Variants in HIBCH observed in about 807,000 individuals in gnomAD.
HIBCH encodes 3-hydroxyisobutyryl-CoA hydrolase, also known as 3-hydroxyisobutyryl-CoA hydrolase, mitochondrial.
A neutral mutation model predicts 58.2 loss-of-function variants in HIBCH; 50 were observed. The ratio of observed to expected loss-of-function variants is 0.86; its 90% CI spans 0.68 to 1.09. The LOEUF (loss-of-function observed/expected upper bound fraction) is 1.09, where lower values mean the gene tolerates loss of function less well. Among genes scored for constraint, HIBCH ranks in the 50% least tolerant of loss-of-function variants. HIBCH has a pLI of 0.00. For synonymous variants in HIBCH, 151 were observed against 146.9 expected, an observed-to-expected ratio of 1.03 and a Z score of -0.20; for missense variants, 450 against 449.7, an observed-to-expected ratio of 1.00 and a Z score of -0.01.
chr2:190,238,754 C>T (rs138177004), intron 11 of HIBCH, among the ~76,000 whole-genome samples: 500 of 152,330 alleles, frequency 3.3e-3, no homozygotes, highest in Admixed American at 5.5e-3. Context: ...TGAGCCACCA[C>T]GCCCGGCCAC....
Position 190,204,903 on chromosome 2 carries a change from G to A in HIBCH, c.*214C>T. ...AGCCACAGATAATATATAAACAGAT[G>A]AGTATAGCTAGTTCCAATAAAGCTT... On this transcript the variant is annotated 3_prime_UTR_variant, in exon 14 of 14. Transcript: ENST00000359678. 1 of 542,048 alleles carries A rather than the reference G, an allele frequency of 1.8e-6. No homozygotes were observed. Among genetic ancestry groups the A allele is most frequent in the Admixed American group, 3.1e-5 (1 of 32,410 alleles). The allele number at this position is 542,048 out of a possible 1,614,324, so 33.6% of individuals were successfully genotyped here. A position where few individuals can be genotyped will look rare whatever the true frequency, so the allele number is the denominator to read the frequency against.
chr2:190,223,444 T>C (rs1251023556), intron 11 of HIBCH, among the ~76,000 whole-genome samples: 2 of 152,132 alleles, frequency 1.3e-5, no homozygotes, highest in African/African-American at 4.8e-5. Flanking sequence ...CCAAGAACAA[T>C]GCCTGATAAG....
At chr2:190,251,549 C>T (rs780033460) in intron 8 of HIBCH, 6 of 446,244 alleles carry the variant, frequency 1.3e-5, no homozygotes, top group Middle Eastern at 3.3e-4. Context: ...GTAATAGTGT[C>T]ATCTCCATTC....
chr2:190,266,397 T>A (rs371839877), intron 6 of HIBCH, among the ~76,000 whole-genome samples: 2 of 152,324 alleles, frequency 1.3e-5, no homozygotes, highest in East Asian at 3.9e-4. Flanking sequence ...ATTTCCACTT[T>A]TAGAGCTTTC....
chr2:190,268,737 A>G (rs973051624), intron 6 of HIBCH, among the ~76,000 whole-genome samples: 4 of 152,232 alleles, frequency 2.6e-5, no homozygotes, highest in Non-Finnish European at 4.4e-5. Context: ...TCTAGACAAA[A>G]AGCAATTTTT....
intron 2 of HIBCH, among the ~76,000 whole-genome samples, chr2:190,308,691 A>G (rs111588328): frequency 2.6e-5 from 4 of 152,324 alleles, no homozygotes; most frequent in Middle Eastern, 3.4e-3. Flanking sequence ...CTCCGTAACG[A>G]TAAGAAATAA....
chr2:190,209,858 C>G lies in HIBCH; in HGVS notation c.1012-945G>C, dbSNP rs1690476732. Among the ~76,000 whole-genome samples, 1 of 152,162 alleles carries G rather than the reference C, an allele frequency of 6.6e-6. No individual in the cohort carries two copies. The highest frequency in any genetic ancestry group is 1.5e-5 in the Non-Finnish European group (1 of 68,044). On this transcript the variant is annotated intron_variant, in intron 12 of 13. Coordinates refer to ENST00000359678, the MANE Select transcript of HIBCH (RefSeq NM_014362.4). The surrounding 1 kb of genome is among the most constrained non-coding windows in gnomAD (Gnocchi z 5.6). ...TAGCTACATATTAACTATGTGACCT[C>G]GGACTAGTAATTTCTCCAACCCTAG...
intron 5 of HIBCH, among the ~76,000 whole-genome samples, chr2:190,289,261 A>C (rs933621247): frequency 2.6e-5 from 4 of 152,126 alleles, no homozygotes; most frequent in African/African-American, 9.7e-5. Context: ...ATATATCCCC[A>C]TGTGTTTAAT....
At chr2:190,249,782 G>T (rs1686710960) in intron 8 of HIBCH, 56 bp from the exon 9 acceptor site, 2 of 1,107,048 alleles carry the variant, frequency 1.8e-6, no homozygotes, top group African/African-American at 1.6e-5. Context: ...AACATAGAAA[G>T]CTTTATAAAA....
chr2:190,276,411 T>C (rs1025067654), intron 6 of HIBCH, among the ~76,000 whole-genome samples: 2 of 152,206 alleles, frequency 1.3e-5, no homozygotes, highest in Non-Finnish European at 2.9e-5. Context: ...TTGATATAGA[T>C]TGGATATCTG....
chr2:190,266,010 A>G (rs1199129750), intron 6 of HIBCH, among the ~76,000 whole-genome samples: 2 of 149,948 alleles, frequency 1.3e-5, no homozygotes, highest in Non-Finnish European at 3.0e-5. Flanking sequence ...TTGTATTTTG[A>G]TCATTTCATT....
chr2:190,285,935 G>A (rs1156292737), intron 6 of HIBCH, among the ~76,000 whole-genome samples: 4 of 151,980 alleles, frequency 2.6e-5, no homozygotes, highest in South Asian at 2.1e-4. Flanking sequence ...ATAACCTCCC[G>A]GGTTCAAGCA....
chr2:190,278,632 G>C (rs368800106), intron 6 of HIBCH, among the ~76,000 whole-genome samples: 2 of 136,470 alleles, frequency 1.5e-5, no homozygotes, highest in African/African-American at 5.5e-5. Context: ...TAGAGCAGCA[G>C]TTTTTAACTT....
Position 190,205,241 on chromosome 2 carries a change from A to G in HIBCH, c.1046-9T>C, listed in dbSNP as rs779699265. 2.2e-6 allele frequency: 3 copies of G among 1,383,880 alleles called. No homozygotes were observed. The highest frequency in any genetic ancestry group is 3.1e-6 in the Non-Finnish European group (3 of 971,228). 85.7% of individuals were successfully genotyped at this position (1,383,880 alleles called of 1,614,324 possible). On this transcript the variant is annotated splice_polypyrimidine_tract_variant and intron_variant, in intron 13 of 13. Transcript: ENST00000359678. ...GTCTTTATCAATTAAAACTGTCAAG[A>G]GAAGATACAAATGTTAATACCATTA...
intron 11 of HIBCH, among the ~76,000 whole-genome samples, chr2:190,228,691 T>C (rs1485589994): frequency 1.3e-5 from 2 of 152,202 alleles, no homozygotes; most frequent in African/African-American, 4.8e-5. Context: ...CTACTTCTTA[T>C]GGAACACTGG....
At position 190,252,895 on chromosome 2, in the gene HIBCH, A is replaced by G. The variant is rs139474808; in HGVS notation, c.518-588T>C. 7.6e-4 allele frequency among the ~76,000 whole-genome samples: 115 copies of G among 152,316 alleles called. 1 individual carries two copies. The highest frequency in any genetic ancestry group is 5.4e-3 in the Admixed American group (82 of 15,298). The stretch of plus-strand genomic sequence containing the variant: ...AAATTATCTACGGGTAACAACTGAA[A>G]ATAGCATATAAGGCTAGGCGCGGTG... On this transcript the variant is annotated intron_variant, in intron 7 of 13. Transcript: ENST00000359678.
rs541347034 is a variant in HIBCH at position 190,243,071 on chromosome 2, G to A, written c.891+1816C>T. Reference sequence around the variant, plus strand: ...TGAGTGTCAACTTGACTGGACTGAAGGATACAAAGTATTGATCCTGGATGT... The same window carrying A: ...TGAGTGTCAACTTGACTGGACTGAAAGATACAAAGTATTGATCCTGGATGT... On this transcript the variant is annotated intron_variant, in intron 11 of 13. Coordinates refer to ENST00000359678, the MANE Select transcript of HIBCH (RefSeq NM_014362.4). This position sits in a 1 kb window ranked among gnomAD's most constrained non-coding sequence, Gnocchi z 4.1. Among the ~76,000 whole-genome samples the A allele has an allele frequency of 9.9e-5, 15 of 152,274 alleles. No individual in the cohort carries two copies. The highest frequency in any genetic ancestry group is 3.6e-4 in the African/African-American group (15 of 41,558).
At chr2:190,278,473 G>C (rs1687618263) in intron 6 of HIBCH, among the ~76,000 whole-genome samples, 1 of 152,182 alleles carries the variant, frequency 6.6e-6, no homozygotes, top group Non-Finnish European at 1.5e-5. Flanking sequence ...CAAAGTACTA[G>C]GATTACAGGC....
In HIBCH at chr2:190,287,654, C is replaced by T. The variant is rs1687864943; in HGVS notation, c.386-16G>A. The T allele has an allele frequency of 1.3e-6, 2 of 1,597,464 alleles. No individual in the cohort carries two copies. Among genetic ancestry groups the T allele is most frequent in the Non-Finnish European group, 1.7e-6 (2 of 1,165,476 alleles). Reference sequence around the variant, plus strand: ...TGGCAAGAACCTGAAAGAAACAGAGCTGTAATTTTAGTTACAGTGTTTAAA... The same window carrying T: ...TGGCAAGAACCTGAAAGAAACAGAGTTGTAATTTTAGTTACAGTGTTTAAA... On this transcript the variant is annotated splice_polypyrimidine_tract_variant and intron_variant, in intron 5 of 13. Coordinates refer to ENST00000359678, the MANE Select transcript of HIBCH (RefSeq NM_014362.4).
Sources: gnomAD v4.1 joint callset for allele counts (sites outside exome capture counted in the v4.1 genomes callset) on GRCh38, gnomAD v4.1.1 for gene constraint, Gnocchi (gnomAD v3.1) non-coding constraint, MANE v1.5 for transcripts, NCBI Gene and HGNC (gene_info 2026-07-23, HGNC 2026-07-21) for gene names.